The following TMEM114 variants were observed in gnomAD, a reference collection of about 807,000 sequenced individuals.
TMEM114 encodes the protein claudin-26.
In TMEM114, 6 loss-of-function variants were observed where a neutral mutation model predicts 6.2. The ratio of observed to expected loss-of-function variants is 0.97; its 90% confidence interval spans 0.53 to 1.91. The LOEUF (loss-of-function observed/expected upper bound fraction) is 1.91. Ranked by LOEUF, TMEM114 falls within the 40% of genes most tolerant of loss-of-function variation. The pLI is 0.01. For missense variants in TMEM114, 218 were observed against 158.3 expected, an observed-to-expected ratio of 1.38 and a Z score of -2.02; for synonymous variants, 104 against 73.0, an observed-to-expected ratio of 1.42 and a Z score of -2.16.
rs141212101 is a variant in TMEM114 at position 8,548,694 on chromosome 16, G to GTATATATATATATA, written n.213-10869_213-10868insTATATATATATATA. 1.9e-3 allele frequency among the ~76,000 whole-genome samples: 261 copies of GTATATATATATATA among 139,988 alleles called. 6 individuals carry two copies. The highest frequency in any genetic ancestry group is 6.7e-3 in the African/African-American group (238 of 35,302). The allele number at this position is 139,988 out of a possible 152,430, so 91.8% of individuals were successfully genotyped here. ...AGAGAAGTGAGCTAAAAATTGCCATGTATATATATACACAGAAAAAAAATA... is the reference window on the plus strand; with the variant it reads ...AGAGAAGTGAGCTAAAAATTGCCATGTATATATATATATATATATATATACACAGAAAAAAAATA... On this transcript the variant is annotated intron_variant and non_coding_transcript_variant, in intron 2 of 2. Transcript: ENST00000623677.
At chr16:8,563,181 GTGAATGAGTGAA>G (rs1185865756) in intron 2 of TMEM114, among the ~76,000 whole-genome samples, 3 of 139,456 alleles carry the variant, frequency 2.2e-5, no homozygotes, top group Middle Eastern at 4.1e-3. Context: ...AAATGAGTGA[GTGAATGAGTGAA>G]TGAATGAGTG....
chr16:8,543,016 A>G (rs556312051), intron 2 of TMEM114, among the ~76,000 whole-genome samples: 2 of 152,360 alleles, frequency 1.3e-5, no homozygotes, highest in East Asian at 1.9e-4. Context: ...GAGAAAAGGC[A>G]GTGCTGCTGA....
At chr16:8,554,492 C>T (rs1900945652) in intron 2 of TMEM114, among the ~76,000 whole-genome samples, 2 of 152,160 alleles carry the variant, frequency 1.3e-5, no homozygotes, top group Admixed American at 1.3e-4. Flanking sequence ...CTTCATAGCA[C>T]TTATCTCCAT....
At position 8,573,160 on chromosome 16, in the gene TMEM114, G is replaced by A. The variant is rs571456802; in HGVS notation, c.302-936C>T. On this transcript the variant is annotated intron_variant, in intron 2 of 3. Transcript: ENST00000620492. ...CTTTTTGGGGGAGCAGGGACTGTGTGGATGAAGGGCTTTGGGCATTGAGAG... is the reference window on the plus strand; with the variant it reads ...CTTTTTGGGGGAGCAGGGACTGTGTAGATGAAGGGCTTTGGGCATTGAGAG... Among the ~76,000 whole-genome samples the A allele has an allele frequency of 2.5e-3, 381 of 152,284 alleles. 4 individuals are homozygous for A. Among genetic ancestry groups the A allele is most frequent in the African/African-American group, 8.9e-3 (371 of 41,546 alleles).
At chr16:8,587,904 CT>C (rs1303937692) in intron 2 of TMEM114, among the ~76,000 whole-genome samples, 1 of 151,780 alleles carries the variant, frequency 6.6e-6, no homozygotes, top group African/African-American at 2.4e-5. Flanking sequence ...AATCCCAAGA[CT>C]TTGGGAGGCC....
chr16:8,547,759 T>C (rs575417413), intron 2 of TMEM114, among the ~76,000 whole-genome samples: 1 of 152,286 alleles, frequency 6.6e-6, no homozygotes, highest in Admixed American at 6.5e-5. Context: ...GGTCCTTGCG[T>C]GGCCTCTGAG....
chr16:8,569,623 C>G lies in TMEM114; in HGVS notation c.*150G>C, dbSNP rs2141681464. The G allele has an allele frequency of 1.4e-6, 2 of 1,436,394 alleles. No homozygotes were observed. Among genetic ancestry groups the G allele is most frequent in the South Asian group, 1.5e-5 (1 of 67,294 alleles). The allele number at this position is 1,436,394 out of a possible 1,614,324, so 89.0% of individuals were successfully genotyped here. ...ACTAGGATAACAGCCAGGCCCCAAG[C>G]TTAGTCCGCGGGGATTTGTGGGGGA... On this transcript the variant is annotated 3_prime_UTR_variant, in exon 4 of 4. Transcript: ENST00000620492.
At position 8,579,033 on chromosome 16, in the gene TMEM114, C is replaced by T. The variant is rs182206488; in HGVS notation, c.302-6809G>A. 1.6e-3 allele frequency among the ~76,000 whole-genome samples: 244 copies of T among 152,184 alleles called. 2 individuals are homozygous for T. Among genetic ancestry groups the T allele is most frequent in the African/African-American group, 5.6e-3 (231 of 41,534 alleles). On this transcript the variant is annotated intron_variant, in intron 2 of 3. Transcript: ENST00000620492. ...AGGCCATTGTTTCATCAATGGTAAACGTGTGTGCCCCAGTGCAGAGATATT... is the reference window on the plus strand; with the variant it reads ...AGGCCATTGTTTCATCAATGGTAAATGTGTGTGCCCCAGTGCAGAGATATT...
intron 2 of TMEM114, among the ~76,000 whole-genome samples, chr16:8,561,338 C>G (rs554368946): frequency 6.6e-6 from 1 of 152,316 alleles, no homozygotes; most frequent in Admixed American, 6.5e-5. Context: ...TTATTTTCAT[C>G]GTACAACACA....
intron 2 of TMEM114, among the ~76,000 whole-genome samples, chr16:8,584,088 T>A (rs890635513): frequency 6.6e-6 from 1 of 152,206 alleles, no homozygotes; most frequent in African/African-American, 2.4e-5. Context: ...TCTCCCTTTT[T>A]AGGGTTGCTA....
intron 2 of TMEM114, among the ~76,000 whole-genome samples, chr16:8,587,460 G>A (rs1308019505): frequency 1.3e-5 from 2 of 152,204 alleles, no homozygotes; most frequent in African/African-American, 4.8e-5. Flanking sequence ...TTTGCACTTA[G>A]CAGTTAGCCA....
chr16:8,561,706 T>C (rs925242107), intron 2 of TMEM114, among the ~76,000 whole-genome samples: 4 of 152,164 alleles, frequency 2.6e-5, no homozygotes, highest in Admixed American at 2.6e-4. Context: ...AATAAATGAA[T>C]CAGTGAATGA....
chr16:8,572,684 C>A (rs1429151614), intron 2 of TMEM114, among the ~76,000 whole-genome samples: 2 of 152,216 alleles, frequency 1.3e-5, no homozygotes, highest in Non-Finnish European at 2.9e-5. Context: ...GATCCTCCTG[C>A]CTTGGCCTCC....
At chr16:8,554,834 G>A (rs1900955835) in intron 2 of TMEM114, among the ~76,000 whole-genome samples, 1 of 152,202 alleles carries the variant, frequency 6.6e-6, no homozygotes, top group African/African-American at 2.4e-5. Context: ...TGATGTTAGT[G>A]CTGTCTTAAG....
chr16:8,529,086 G>A, the TMEM114 span, among the ~76,000 whole-genome samples: 20 of 152,204 alleles, frequency 1.3e-4, no homozygotes, highest in African/African-American at 3.9e-4. Context: ...GGAGAGGACA[G>A]CAAAATCCTC....
At chr16:8,581,607 C>A (rs1235398025) in intron 2 of TMEM114, among the ~76,000 whole-genome samples, 1 of 152,190 alleles carries the variant, frequency 6.6e-6, no homozygotes, top group South Asian at 2.1e-4. Flanking sequence ...GCGCATGCCA[C>A]CACACCTGGC....
At chr16:8,534,525 T>C (rs1204222898), downstream of TMEM114, among the ~76,000 whole-genome samples, 1 of 152,158 alleles carries the variant, frequency 6.6e-6, no homozygotes, top group Non-Finnish European at 1.5e-5. Context: ...TAGACATCCC[T>C]CTCTCCTGTT....
chr16:8,547,503 T>C (rs1477184674), intron 2 of TMEM114, among the ~76,000 whole-genome samples: 3 of 151,736 alleles, frequency 2.0e-5, no homozygotes, highest in Non-Finnish European at 2.9e-5. Flanking sequence ...AGCTATTCTC[T>C]TGCCTCAGAC....
intron 2 of TMEM114, among the ~76,000 whole-genome samples, chr16:8,546,021 G>A (rs970769439): frequency 1.1e-4 from 17 of 152,146 alleles, no homozygotes; most frequent in Middle Eastern, 6.8e-3. Context: ...AGGCTGAGGC[G>A]GGAGGATCAC....
Sources: gnomAD v4.1 joint callset for allele counts (sites outside exome capture counted in the v4.1 genomes callset) on GRCh38, gnomAD v4.1.1 for gene constraint, MANE v1.5 for transcripts, NCBI Gene and HGNC (gene_info 2026-07-23, HGNC 2026-07-21) for gene names.